Variants in EIF4G2 observed in about 807,000 individuals in gnomAD.
The protein encoded by EIF4G2 is DAP-5.
In EIF4G2, 8 loss-of-function variants were observed where a neutral mutation model predicts 117.7. The ratio of observed to expected loss-of-function variants is 0.07; its 90% CI spans 0.04 to 0.12. The LOEUF is 0.12. Among genes scored for constraint, EIF4G2 ranks in the 10% least tolerant of loss-of-function variants. The pLI is 1.00. For synonymous variants in EIF4G2, 413 were observed against 367.8 expected (o/e 1.12, Z -1.41); for missense variants, 812 against 1,086.2 (o/e 0.75, Z 3.55).
chr11:10,802,521 C>G lies in EIF4G2; in HGVS notation c.997-86G>C, dbSNP rs1049420479. 4 of 1,435,298 alleles carry G rather than the reference C, an allele frequency of 2.8e-6. No individual in the cohort carries two copies. In the African/African-American group the frequency reaches 5.8e-5, roughly 21 times the overall value. The allele number at this position is 1,435,298 out of a possible 1,614,324, so 88.9% of individuals were successfully genotyped here. On this transcript the variant is annotated intron_variant, in intron 11 of 21. Coordinates refer to ENST00000339995, the MANE Select transcript of EIF4G2 (RefSeq NM_001418.4). Reference sequence around the variant, plus strand: ...AATTCTTGCAACTAGGGGGGGAAACCTAGAATATTAAACCATAATTTATGT... The same window carrying G: ...AATTCTTGCAACTAGGGGGGGAAACGTAGAATATTAAACCATAATTTATGT...
At position 10,803,651 on chromosome 11, in the gene EIF4G2, T is replaced by A; in HGVS notation, c.703-61A>T. 2.8e-6 allele frequency: 4 copies of A among 1,426,784 alleles called. No individual in the cohort carries two copies. The highest frequency in any genetic ancestry group is 3.9e-6 in the Non-Finnish European group (4 of 1,019,226). The allele number at this position is 1,426,784 out of a possible 1,614,324, so 88.4% of individuals were successfully genotyped here. ...GTTACTCTGGTTTAGGCGTAGTACTTTCTTTCCCTTTATGTTTGCACTGAC... is the reference window on the plus strand; with the variant it reads ...GTTACTCTGGTTTAGGCGTAGTACTATCTTTCCCTTTATGTTTGCACTGAC... On this transcript the variant is annotated intron_variant, in intron 8 of 21. Transcript: ENST00000339995. This position sits in a 1 kb window ranked among gnomAD's most constrained non-coding sequence, Gnocchi z 4.0.
chr11:10,805,784 G>T, intron 4 of EIF4G2, 123 bp downstream of exon 4: 1 of 1,408,996 alleles, frequency 7.1e-7, no homozygotes, highest in South Asian at 1.2e-5. Context: ...TTGCTACCAT[G>T]AGGATTCATT....
intron 2 of EIF4G2, 23 bp downstream of exon 2, chr11:10,807,232 C>T (rs768427281): frequency 1.2e-6 from 2 of 1,601,922 alleles, no homozygotes; most frequent in South Asian, 2.3e-5. Flanking sequence ...CAAAAGGATT[C>T]CCCAAAATAA....
chr11:10,799,884 C>G (rs750673067), intron 18 of EIF4G2, 128 bp from the exon 19 acceptor site: 1 of 1,248,784 alleles, frequency 8.0e-7, no homozygotes, highest in African/African-American at 1.5e-5. Flanking sequence ...GAGAACCAAC[C>G]CAGCAAATGA....
At chr11:10,802,653 G>C (rs1435679785) in intron 11 of EIF4G2, among the ~76,000 whole-genome samples, 1 of 152,180 alleles carries the variant, frequency 6.6e-6, no homozygotes, top group Non-Finnish European at 1.5e-5. Flanking sequence ...TTTGCATGAG[G>C]TCAGGAGTTC....
At chr11:10,806,608 G>T in intron 3 of EIF4G2, 1 of 531,028 alleles carries the variant, frequency 1.9e-6, no homozygotes, top group East Asian at 2.9e-5. Context: ...AAAGAATAAG[G>T]AAAAAAATAA....
chr11:10,803,096 A>G lies in EIF4G2; in HGVS notation c.930T>C (p.Val310=). 6.2e-7 allele frequency: 1 copy of G among 1,609,686 alleles called. No individual in the cohort carries two copies. The highest frequency in any genetic ancestry group is 8.5e-7 in the Non-Finnish European group (1 of 1,177,272). The stretch of plus-strand genomic sequence containing the variant: ...CATTGTCAAGAAAAGCCTTGCGAGG[A>G]ACCCAATGGTGTTCTCGCAACTCTA... The change falls in exon 11 of 22, where the codon GTT becomes GTC. Residue 310 remains valine, a synonymous_variant. Coordinates refer to ENST00000339995, the MANE Select transcript of EIF4G2 (RefSeq NM_001418.4). This position sits in a 1 kb window ranked among gnomAD's most constrained non-coding sequence, Gnocchi z 4.0.
At position 10,808,377 on chromosome 11, in the gene EIF4G2, C is replaced by T. The variant is rs758941680; in HGVS notation, c.-87+328G>A. On this transcript the variant is annotated intron_variant, in intron 1 of 21. Transcript: ENST00000339995. ...GGCCCGCGTGCCTCCCGCCACGGCG[C>T]TAGCGGTCCGAGCCACGCTCCCTCG... The T allele has an allele frequency of 8.9e-6, 11 of 1,232,098 alleles. No individual in the cohort carries two copies. The South Asian group carries it at 1.5e-4, about 17-fold the overall frequency. 76.3% of individuals were successfully genotyped at this position (1,232,098 alleles called of 1,614,324 possible).
intron 2 of EIF4G2, 156 bp downstream of exon 2, chr11:10,807,094 TATTTA>T: frequency 1.6e-6 from 2 of 1,230,304 alleles, no homozygotes; most frequent in Non-Finnish European, 1.1e-6. Context: ...TAATTGATTT[TATTTA>T]TTCTTCAGAT....
Position 10,800,806 on chromosome 11 carries a change from T to C in EIF4G2, c.1569A>G (p.Pro523=). The change falls in exon 16 of 22, where the codon CCA becomes CCG. Residue 523 remains proline, a synonymous_variant. Transcript: ENST00000339995. ...TGGCAGGCTTTTCCTGGATAAGCGG[T>C]GGATTAGTTTTGAGACCAAGCTGAG... 1 of 1,614,182 alleles carries C rather than the reference T, an allele frequency of 6.2e-7. No individual in the cohort carries two copies. Among genetic ancestry groups the C allele is most frequent in the East Asian group, 2.2e-5 (1 of 44,890 alleles).
intron 1 of EIF4G2, 31 bp downstream of exon 1, chr11:10,808,674 T>A: frequency 4.2e-6 from 1 of 239,292 alleles, no homozygotes; most frequent in South Asian, 4.7e-5. Flanking sequence ...TTTAGAGCGC[T>A]CCACTCGGCG....
At position 10,806,713 on chromosome 11, in the gene EIF4G2, C is replaced by G. The variant is rs536157854; in HGVS notation, c.107+107G>C. On this transcript the variant is annotated intron_variant, in intron 3 of 21. Transcript: ENST00000339995. Reference sequence around the variant, plus strand: ...AGGATACCCAACAGAAACCACGCCCCTTAAGATTAGGAGTCTTGATGGCTA... The same window carrying G: ...AGGATACCCAACAGAAACCACGCCCGTTAAGATTAGGAGTCTTGATGGCTA... 5.2e-4 allele frequency: 653 copies of G among 1,261,814 alleles called. 7 individuals carry two copies. The South Asian group carries it at 6.9e-3, about 13-fold the overall frequency. 78.2% of individuals were successfully genotyped at this position (1,261,814 alleles called of 1,614,324 possible). A position where few individuals can be genotyped will look rare whatever the true frequency, so the allele number is the denominator to read the frequency against.
In EIF4G2 at chr11:10,807,245, C is replaced by T. The variant is rs1457090896; in HGVS notation, c.41+10G>A. The T allele has an allele frequency of 1.9e-6, 3 of 1,605,876 alleles. No homozygotes were observed. Among genetic ancestry groups the T allele is most frequent in the Admixed American group, 3.5e-5 (2 of 57,570 alleles). ...TTCAAAAGGATTCCCCAAAATAAAT[C>T]TACAAGTACCTGAAACGAGAAGCAC... On this transcript the variant is annotated intron_variant, in intron 2 of 21. Coordinates refer to ENST00000339995, the MANE Select transcript of EIF4G2 (RefSeq NM_001418.4).
Position 10,800,202 on chromosome 11 carries a change from G to T in EIF4G2, c.2007C>A (p.Thr669=), listed in dbSNP as rs753683796. 4 of 1,613,942 alleles carry T rather than the reference G, an allele frequency of 2.5e-6. No homozygotes were observed. Among genetic ancestry groups the T allele is most frequent in the Non-Finnish European group, 2.5e-6 (3 of 1,180,030 alleles). The change falls in exon 18 of 22, where the codon ACC becomes ACA. Residue 669 remains threonine, a synonymous_variant. Coordinates refer to ENST00000339995, the MANE Select transcript of EIF4G2 (RefSeq NM_001418.4). ...GACAAAGTAGGAAGAGAGGAAAATG[G>T]GTGCCACTTTCTAGTGGTTGAGCTA...
At position 10,799,116 on chromosome 11, in the gene EIF4G2, T is replaced by TAA. The variant is rs372541323; in HGVS notation, c.2537-5_2537-4dup. 36,277 of 1,453,534 alleles carry TAA rather than the reference T, an allele frequency of 0.025. 13 individuals carry two copies. The highest frequency in any genetic ancestry group is 0.054 in the South Asian group (4,039 of 75,146). 90.0% of individuals were successfully genotyped at this position (1,453,534 alleles called of 1,614,324 possible). ...CACAAAAAAGCGAAGTAACATGCCT[T>TAA]AAAAAAAAAAAAAAAAAGAAAAAAG... On this transcript the variant is annotated splice_polypyrimidine_tract_variant and splice_region_variant and intron_variant, in intron 20 of 21. Coordinates refer to ENST00000339995, the MANE Select transcript of EIF4G2 (RefSeq NM_001418.4).
At chr11:10,806,636 C>T in intron 3 of EIF4G2, 184 bp downstream of exon 3, 1 of 586,740 alleles carries the variant, frequency 1.7e-6, no homozygotes, top group East Asian at 2.8e-5. Flanking sequence ...AGAGTCTCAA[C>T]TCACTTAGAA....
Position 10,797,723 on chromosome 11 carries a change from T to C in EIF4G2, c.*93A>G. 7.7e-7 allele frequency: 1 copy of C among 1,297,010 alleles called. No individual in the cohort carries two copies. Among genetic ancestry groups the C allele is most frequent in the South Asian group, 1.2e-5 (1 of 80,806 alleles). The allele number at this position is 1,297,010 out of a possible 1,614,324, so 80.3% of individuals were successfully genotyped here. The stretch of plus-strand genomic sequence containing the variant: ...TCTGCTTTAAATATTGTGAAAACAT[T>C]ACAGCGGAATGAATTTTCGCAGTGG... On this transcript the variant is annotated 3_prime_UTR_variant, in exon 22 of 22. Coordinates refer to ENST00000339995, the MANE Select transcript of EIF4G2 (RefSeq NM_001418.4). The surrounding 1 kb of genome is among the most constrained non-coding windows in gnomAD (Gnocchi z 4.5).
chr11:10,804,494 C>T (rs978749822), intron 5 of EIF4G2, 76 bp from the exon 6 acceptor site: 15 of 1,500,438 alleles, frequency 1.0e-5, no homozygotes, highest in Non-Finnish European at 1.3e-5. Context: ...AATACAACCA[C>T]CTAAATGTTA....
At position 10,803,744 on chromosome 11, in the gene EIF4G2, A is replaced by G. The variant is rs1564983760; in HGVS notation, c.703-154T>C. 3 of 1,167,998 alleles carry G rather than the reference A, an allele frequency of 2.6e-6. No homozygotes were observed. The highest frequency in any genetic ancestry group is 1.5e-5 in the African/African-American group (1 of 64,962). The allele number at this position is 1,167,998 out of a possible 1,614,324, so 72.4% of individuals were successfully genotyped here. A position where few individuals can be genotyped will look rare whatever the true frequency, so the allele number is the denominator to read the frequency against. ...AGTCTGGTTGATCAGTTCTAACTCT[A>G]CTTTGTCAAACACACCACGTATTTC... On this transcript the variant is annotated intron_variant, in intron 8 of 21. Coordinates refer to ENST00000339995, the MANE Select transcript of EIF4G2 (RefSeq NM_001418.4). The surrounding 1 kb of genome is among the most constrained non-coding windows in gnomAD (Gnocchi z 4.0).
Sources: gnomAD v4.1 joint callset for allele counts (sites outside exome capture counted in the v4.1 genomes callset) on GRCh38, gnomAD v4.1.1 for gene constraint, Gnocchi (gnomAD v3.1) non-coding constraint, MANE v1.5 for transcripts, NCBI Gene and HGNC (gene_info 2026-07-23, HGNC 2026-07-21) for gene names.